The following USP13 variants were observed in gnomAD, a reference collection of about 807,000 sequenced individuals.
USP13 encodes ubiquitin specific peptidase 13.
Under a neutral mutation model 107.8 loss-of-function variants are expected in USP13, and 68 were observed. The observed-to-expected ratio is 0.63, with a 90% CI of 0.52 to 0.77. The LOEUF (loss-of-function observed/expected upper bound fraction) is 0.77, where lower values mean the gene tolerates loss of function less well. Among genes scored for constraint, USP13 ranks in the 30% least tolerant of loss-of-function variants. USP13 has a pLI of 0.00. For synonymous variants in USP13, 377 were observed against 389.5 expected (o/e 0.97, Z 0.38); for missense variants, 945 against 1,093.3 (o/e 0.86, Z 1.91).
chr3:179,752,305 T>C lies in USP13; in HGVS notation c.1730T>C (p.Phe577Ser). 6.2e-7 allele frequency: 1 copy of C among 1,614,046 alleles called. No homozygotes were observed. Among genetic ancestry groups the C allele is most frequent in the Non-Finnish European group, 8.5e-7 (1 of 1,179,984 alleles). Residue 577 changes from phenylalanine to serine, a missense_variant, in exon 14 of 21, where the codon TTC becomes TCC. By Grantham distance (155) the Phe-to-Ser change is radical. Coordinates refer to ENST00000263966, the MANE Select transcript of USP13 (RefSeq NM_003940.3). ...CCCAGAACATCTCGCTTTGCTTCAT[T>C]CCCTGAATACTTGGTAGTGCAGATA... ...AGVKTSRFAS[F>S]PEYLVVQIKK...
chr3:179,700,917 C>T, intron 3 of USP13, 91 bp from the exon 4 acceptor site: 1 of 1,445,092 alleles, frequency 6.9e-7, no homozygotes, highest in Non-Finnish European at 9.3e-7. Flanking sequence ...TTCATCATCA[C>T]CTTGGATTTC....
At chr3:179,709,087 C>A in intron 6 of USP13, 130 bp downstream of exon 6, 2 of 1,137,764 alleles carry the variant, frequency 1.8e-6, no homozygotes, top group Non-Finnish European at 2.4e-6. Flanking sequence ...TCTAATTCTG[C>A]CTCTTATTAG....
rs1278561965 is a variant in USP13 at position 179,653,188 on chromosome 3, C to CCGGCT, written c.-30_-26dup. 3.9e-5 allele frequency: 49 copies of CCGGCT among 1,243,398 alleles called. No homozygotes were observed. The highest frequency in any genetic ancestry group is 1.7e-4 in the East Asian group (5 of 29,210). The allele number at this position is 1,243,398 out of a possible 1,614,324, so 77.0% of individuals were successfully genotyped here. ...CGCCGGCAGACCCCGCGCTCCGGCT[C>CCGGCT]CGGCTCGGCTCGCTCGGCTCCGGTG... On this transcript the variant is annotated 5_prime_UTR_variant, in exon 1 of 21. Coordinates refer to ENST00000263966, the MANE Select transcript of USP13 (RefSeq NM_003940.3). This position sits in a 1 kb window ranked among gnomAD's most constrained non-coding sequence, Gnocchi z 4.0.
chr3:179,762,806 AACG>A (rs1250316931), intron 17 of USP13, among the ~76,000 whole-genome samples: 4 of 152,186 alleles, frequency 2.6e-5, no homozygotes, highest in Non-Finnish European at 5.9e-5. Flanking sequence ...AATTTTGAGG[AACG>A]ACCAAACTGT....
At chr3:179,692,479 T>C (rs995354646) in intron 3 of USP13, among the ~76,000 whole-genome samples, 9 of 152,198 alleles carry the variant, frequency 5.9e-5, no homozygotes, top group African/African-American at 2.2e-4. Flanking sequence ...TCTCAACCTG[T>C]CTTTGGACCA....
intron 4 of USP13, among the ~76,000 whole-genome samples, chr3:179,701,883 C>G (rs1013475070): frequency 6.6e-6 from 1 of 152,166 alleles, no homozygotes; most frequent in African/African-American, 2.4e-5. Flanking sequence ...TGTTTTCCTT[C>G]GATTCTCGCG....
chr3:179,681,782 C>G, intron 1 of USP13, 96 bp from the exon 2 acceptor site: 1 of 1,473,370 alleles, frequency 6.8e-7, no homozygotes, highest in Non-Finnish European at 9.1e-7. Flanking sequence ...TGCCAGGCCT[C>G]GTCTTCAGCG....
chr3:179,751,180 G>A, intron 13 of USP13, among the ~76,000 whole-genome samples: 1 of 152,200 alleles, frequency 6.6e-6, no homozygotes, highest in Non-Finnish European at 1.5e-5. Context: ...GAGTGAATGA[G>A]CTGGAACTAG....
chr3:179,754,696 GA>G (rs1188190374), intron 14 of USP13, 35 bp from the exon 15 acceptor site: 2 of 1,602,252 alleles, frequency 1.2e-6, no homozygotes, highest in African/African-American at 1.3e-5. Flanking sequence ...GGTGATTATG[GA>G]GAGCCCAGTG....
At chr3:179,725,167 G>A (rs1269553116) in intron 8 of USP13, among the ~76,000 whole-genome samples, 2 of 152,180 alleles carry the variant, frequency 1.3e-5, no homozygotes, top group Non-Finnish European at 2.9e-5. Context: ...AGCCCAGATT[G>A]TGCCACTGTA....
At chr3:179,689,486 G>A (rs1426011170) in intron 2 of USP13, among the ~76,000 whole-genome samples, 10 of 151,808 alleles carry the variant, frequency 6.6e-5, no homozygotes, top group African/African-American at 1.7e-4. Context: ...GTGAAACCCC[G>A]TCTCTACTAA....
At chr3:179,688,122 C>CATCCATCCATCCATCCATCCATCCATAT (rs1711949385) in intron 2 of USP13, among the ~76,000 whole-genome samples, 4 of 150,336 alleles carry the variant, frequency 2.7e-5, no homozygotes, top group Non-Finnish European at 4.5e-5. Flanking sequence ...TCCATCCATC[C>CATCCATCCATCCATCCATCCATCCATAT]ATCCATCCAT....
At chr3:179,778,880 G>C (rs539244309) in intron 19 of USP13, among the ~76,000 whole-genome samples, 1 of 152,296 alleles carries the variant, frequency 6.6e-6, no homozygotes, top group Admixed American at 6.5e-5. Flanking sequence ...TGTGGAAGGA[G>C]GGTTACTATT....
chr3:179,743,457 G>A (rs940013584), intron 12 of USP13, among the ~76,000 whole-genome samples: 1 of 151,658 alleles, frequency 6.6e-6, no homozygotes, highest in Non-Finnish European at 1.5e-5. Context: ...TCTTGTGTGT[G>A]GGGGGTGGTG....
In USP13 at chr3:179,655,548, G is replaced by GTTTTTTTTTTTT. The variant is rs150977876; in HGVS notation, c.168+2163_168+2164insTTTTTTTTTTTT. The stretch of plus-strand genomic sequence containing the variant: ...AAGCACAGTGCGTGATAATGGGAAG[G>GTTTTTTTTTTTT]TTTTTTTTGTTTTGTTTTGTTTTTT... On this transcript the variant is annotated intron_variant, in intron 1 of 20. Transcript: ENST00000263966. Among the ~76,000 whole-genome samples, 68 of 131,362 alleles carry GTTTTTTTTTTTT rather than the reference G, an allele frequency of 5.2e-4. 7 individuals carry two copies. Among genetic ancestry groups the GTTTTTTTTTTTT allele is most frequent in the East Asian group, 2.6e-3 (11 of 4,188 alleles). The allele number at this position is 131,362 out of a possible 152,430, so 86.2% of individuals were successfully genotyped here. A position where few individuals can be genotyped will look rare whatever the true frequency, so the allele number is the denominator to read the frequency against.
At position 179,787,697 on chromosome 3, in the gene USP13, G is replaced by A. The variant is rs1715950514; in HGVS notation, c.*3556G>A. On this transcript the variant is annotated 3_prime_UTR_variant, in exon 21 of 21. Transcript: ENST00000263966. ...TCAGCTCACTGCAGCCTCCTCCCGGGTTCAAGTGATTCTCCTGCCTCAGCT... is the reference window on the plus strand; with the variant it reads ...TCAGCTCACTGCAGCCTCCTCCCGGATTCAAGTGATTCTCCTGCCTCAGCT... The A allele has an allele frequency of 1.3e-5, 2 of 152,162 alleles. No homozygotes were observed. The allele number at this position is 152,162 out of a possible 1,614,324, so 9.4% of individuals were successfully genotyped here.
chr3:179,682,152 C>G (rs550014653), intron 2 of USP13, 149 bp downstream of exon 2: 10 of 1,004,168 alleles, frequency 1.0e-5, no homozygotes, highest in African/African-American at 9.8e-5. Context: ...CTTGCAAAAT[C>G]CAGAGAGTCT....
At chr3:179,730,152 A>G in intron 8 of USP13, 37 bp from the exon 9 acceptor site, 1 of 1,569,726 alleles carries the variant, frequency 6.4e-7, no homozygotes, top group Admixed American at 1.8e-5. Context: ...TTCTTCTTGC[A>G]GTTGCTATGT....
At chr3:179,672,436 G>T (rs1350889364) in intron 1 of USP13, among the ~76,000 whole-genome samples, 2 of 149,950 alleles carry the variant, frequency 1.3e-5, no homozygotes, top group Admixed American at 6.7e-5. Context: ...CCAGTCTGGA[G>T]TGCAATGGCG....
Sources: allele counts gnomAD v4.1 joint callset (sites outside exome capture counted in the v4.1 genomes callset), GRCh38; gene constraint gnomAD v4.1.1; non-coding constraint Gnocchi (gnomAD v3.1); transcripts MANE v1.5; gene names NCBI Gene and HGNC (gene_info 2026-07-23, HGNC 2026-07-21).